PBRM1: variants seen among roughly 807,000 people sequenced by gnomAD.
The protein encoded by PBRM1 is protein polybromo-1.
Under a neutral mutation model 194.5 loss-of-function variants are expected in PBRM1, and 27 were observed. That is an observed-to-expected ratio of 0.14 (90% confidence interval 0.10 to 0.19). The LOEUF (loss-of-function observed/expected upper bound fraction) is 0.19, where lower values mean the gene tolerates loss of function less well. PBRM1 is among the 10% of genes least tolerant of loss of function. The probability of loss-of-function intolerance (pLI) is 1.00; values close to 1 mark genes in which losing one functional copy is unlikely to be tolerated. For missense variants in PBRM1, 1,466 were observed against 2,077.2 expected (o/e 0.71, Z 5.72); for synonymous variants, 655 against 693.2 (o/e 0.94, Z 0.87).
At chr3:52,604,625 C>T (rs2094219658) in intron 16 of PBRM1, among the ~76,000 whole-genome samples, 1 of 151,838 alleles carries the variant, frequency 6.6e-6, no homozygotes, top group Non-Finnish European at 1.5e-5. Flanking sequence ...CCCAGGAGTT[C>T]AAGGGTGCAG....
At chr3:52,553,851 G>A (rs1246762724) in intron 27 of PBRM1, among the ~76,000 whole-genome samples, 19 of 151,910 alleles carry the variant, frequency 1.3e-4, no homozygotes, top group South Asian at 4.2e-4. Context: ...TAGTAAAGAC[G>A]GTGTTTCACC....
chr3:52,685,855 G>GTCGCTTCGGCACCCGCCGCCC (rs1371657795), upstream of PBRM1: 22 of 501,646 alleles, frequency 4.4e-5, no homozygotes, highest in African/African-American at 2.1e-5. Flanking sequence ...GGCCGCTGCC[G>GTCGCTTCGGCACCCGCCGCCC]TCGCTTCGGC....
chr3:52,605,282 G>A (rs986345355), intron 16 of PBRM1, among the ~76,000 whole-genome samples: 1 of 151,310 alleles, frequency 6.6e-6, no homozygotes, highest in East Asian at 2.0e-4. Flanking sequence ...TCCTGGCCTC[G>A]AGTGATCCTC....
Position 52,612,949 on chromosome 3 carries a change from A to G in PBRM1, c.1924+2402T>C, listed in dbSNP as rs139245043. 4.0e-3 allele frequency among the ~76,000 whole-genome samples: 612 copies of G among 152,142 alleles called. 3 individuals are homozygous for G. The highest frequency in any genetic ancestry group is 0.023 in the South Asian group (110 of 4,824). On this transcript the variant is annotated intron_variant, in intron 15 of 29. Coordinates refer to ENST00000296302, the Ensembl canonical transcript of PBRM1. ...AGTATAATAATCAAATTTATTATAT[A>G]GAACTTAATGAGAGTCTGATTTGAG...
At chr3:52,548,552 G>C (rs982452135) in intron 29 of PBRM1, among the ~76,000 whole-genome samples, 1 of 151,850 alleles carries the variant, frequency 6.6e-6, no homozygotes, top group Non-Finnish European at 1.5e-5. Context: ...TCAGGCTCCA[G>C]AGTAGCTGGG....
Position 52,651,885 on chromosome 3 carries a change from CA to C in PBRM1, c.646-76del. ...ATGAAAAGAGAAGGAAGTACATTGA[CA>C]ATCTGTTGTTCAAACAACCAGTGAA... is the stretch of plus-strand genomic sequence containing the variant. On this transcript the variant is annotated intron_variant, in intron 5 of 29. Coordinates refer to ENST00000296302, the Ensembl canonical transcript of PBRM1. 5.2e-6 allele frequency: 5 copies of C among 965,548 alleles called. No homozygotes were observed. The South Asian group carries it at 7.4e-5, about 14-fold the overall frequency. 59.8% of individuals were successfully genotyped at this position (965,548 alleles called of 1,614,324 possible).
At chr3:52,680,513 ACT>A (rs1242913143), upstream of PBRM1, among the ~76,000 whole-genome samples, 1 of 152,120 alleles carries the variant, frequency 6.6e-6, no homozygotes, top group East Asian at 1.9e-4. Flanking sequence ...TTTAACTATA[ACT>A]CTATTTACAA....
intron 26 of PBRM1, among the ~76,000 whole-genome samples, chr3:52,557,185 C>T (rs1039847016): frequency 2.0e-5 from 3 of 152,176 alleles, no homozygotes; most frequent in Non-Finnish European, 2.9e-5. Flanking sequence ...ACATCAGTTA[C>T]ACTGAAAGCA....
intron 18 of PBRM1, 99 bp downstream of exon 20, chr3:52,588,971 G>A (rs2092743414): frequency 2.5e-6 from 2 of 788,364 alleles, no homozygotes; most frequent in East Asian, 2.5e-5. Flanking sequence ...TTATGGAAAG[G>A]CTTAAGATGT....
chr3:52,623,113 T>C (rs536014524), intron 13 of PBRM1, among the ~76,000 whole-genome samples: 43 of 152,346 alleles, frequency 2.8e-4, no homozygotes, highest in South Asian at 2.1e-4. Context: ...GCTGCTTTTA[T>C]GTCCCTTCCT....
intron 28 of PBRM1, 38 bp from the exon 31 acceptor site, chr3:52,550,675 G>A: frequency 6.4e-7 from 1 of 1,568,776 alleles, no homozygotes; most frequent in Non-Finnish European, 8.7e-7. Flanking sequence ...GGCAAAAAGA[G>A]ACTCTGCACA....
chr3:52,576,243 A>C (rs924649844), intron 22 of PBRM1, among the ~76,000 whole-genome samples: 1 of 152,208 alleles, frequency 6.6e-6, no homozygotes, highest in East Asian at 1.9e-4. Flanking sequence ...AGAATTCTAT[A>C]TCTAGGAAAA....
intron 13 of PBRM1, among the ~76,000 whole-genome samples, chr3:52,625,737 G>A (rs1049882823): frequency 6.6e-6 from 1 of 151,912 alleles, no homozygotes; most frequent in African/African-American, 2.4e-5. Flanking sequence ...ATCACGCCTG[G>A]CTAATTTTTT....
chr3:52,674,647 T>A (rs367898534), intron 2 of PBRM1, among the ~76,000 whole-genome samples: 1,504 of 125,074 alleles, frequency 0.012, 32 homozygotes, highest in African/African-American at 0.045. Flanking sequence ...AAAAAAAATA[T>A]ATATATATAT....
intron 25 of PBRM1, chr3:52,560,821 CCT>C (rs937763963): frequency 6.6e-6 from 1 of 151,756 alleles, no homozygotes; most frequent in African/African-American, 2.4e-5. Context: ...TAATAAATGA[CCT>C]TTTTTTTTTT....
At chr3:52,647,582 T>C (rs2153765838) in intron 7 of PBRM1, among the ~76,000 whole-genome samples, 1 of 150,916 alleles carries the variant, frequency 6.6e-6, no homozygotes, top group East Asian at 1.9e-4. Context: ...TCCAAATATC[T>C]ATCAACTGAT....
rs2094845185 is a variant in PBRM1 at position 52,614,559 on chromosome 3, C to T, written c.1924+792G>A. On this transcript the variant is annotated intron_variant, in intron 15 of 29. Coordinates refer to ENST00000296302, the Ensembl canonical transcript of PBRM1. ...TAACTTTTCCTGTCTTCTCTTCCAA[C>T]CTTTTTCTTCCCTTTTTTTTTTTTT... Among the ~76,000 whole-genome samples the T allele has an allele frequency of 2.0e-5, 3 of 150,806 alleles. 1 individual carries two copies. The Middle Eastern group carries it at 0.01, about 520-fold the overall frequency.
At chr3:52,588,703 C>T (rs1168260110) in intron 18 of PBRM1, among the ~76,000 whole-genome samples, 1 of 151,748 alleles carries the variant, frequency 6.6e-6, no homozygotes, top group African/African-American at 2.4e-5. Flanking sequence ...TACAGGCGCC[C>T]GCCACCAGGC....
intron 17 of PBRM1, among the ~76,000 whole-genome samples, chr3:52,599,483 A>T (rs2093826707): frequency 6.6e-6 from 1 of 152,056 alleles, no homozygotes; most frequent in Admixed American, 6.6e-5. Flanking sequence ...ACATAACTAT[A>T]AACTTCAGGG....
Sources: allele counts gnomAD v4.1 joint callset (sites outside exome capture counted in the v4.1 genomes callset), GRCh38; gene constraint gnomAD v4.1.1; transcripts MANE v1.5; gene names NCBI Gene and HGNC (gene_info 2026-07-23, HGNC 2026-07-21).